The following PPEF1 variants were observed in gnomAD, a reference collection of about 807,000 sequenced individuals.
PPEF1 encodes the protein serine/threonine-protein phosphatase with EF-hands 1.
PPEF1 carries 12 observed loss-of-function variants against 53.3 expected under a neutral mutation model. The observed-to-expected ratio is 0.23, with a 90% CI of 0.14 to 0.36. The LOEUF (loss-of-function observed/expected upper bound fraction) is 0.36. Among genes scored for constraint, PPEF1 ranks in the 10% least tolerant of loss-of-function variants. The pLI is 1.00. For synonymous variants in PPEF1, 165 were observed against 176.7 expected, an observed-to-expected ratio of 0.93 and a Z score of 0.52; for missense variants, 334 against 490.4, an observed-to-expected ratio of 0.68 and a Z score of 3.01.
intron 5 of PPEF1, 64 bp downstream of exon 5, chrX:18,757,805 C>G: frequency 1.2e-6 from 1 of 843,221 alleles, no homozygotes; most frequent in South Asian, 2.2e-5. Context: ...CATCGTTTGC[C>G]TAACTTGAAA....
At chrX:18,701,731 T>C (rs1169082964) in intron 6 of PPEF1, among the ~76,000 whole-genome samples, 1 of 112,557 alleles carries the variant, frequency 8.9e-6, no homozygotes, top group African/African-American at 3.2e-5. Context: ...TGAGAAGTCC[T>C]GCAGTAAAGA....
chrX:18,782,477 A>C, intron 8 of PPEF1, 75 bp downstream of exon 8: 2 of 844,111 alleles, frequency 2.4e-6, no homozygotes, highest in Non-Finnish European at 3.3e-6. Flanking sequence ...AGAGCCAAGA[A>C]AGACCAGATT....
Position 18,713,420 on chromosome X carries a change from C to CTTTTTT in PPEF1, c.46+5607_46+5612dup, listed in dbSNP as rs55997147. On this transcript the variant is annotated intron_variant, in intron 1 of 15. Transcript: ENST00000470157. ...TTGTTCAGAGTATTCCCTTAAAATT[C>CTTTTTT]TTTTTTTTTTTTTTTTTTCTTTACT... Among the ~76,000 whole-genome samples the CTTTTTT allele has an allele frequency of 1.1e-3, 87 of 77,485 alleles. 2 individuals are homozygous for CTTTTTT. Among genetic ancestry groups the CTTTTTT allele is most frequent in the African/African-American group, 3.4e-3 (69 of 20,310 alleles). 67.3% of individuals were successfully genotyped at this position (77,485 alleles called of 115,157 possible). A position where few individuals can be genotyped will look rare whatever the true frequency, so the allele number is the denominator to read the frequency against.
At chrX:18,680,605 A>G (rs1928846517), upstream of PPEF1, among the ~76,000 whole-genome samples, 1 of 108,008 alleles carries the variant, frequency 9.3e-6, no homozygotes, top group South Asian at 4.0e-4. Context: ...ATTTATATAT[A>G]TAAATATTTT....
chrX:18,680,451 C>T (rs112056924), upstream of PPEF1, among the ~76,000 whole-genome samples: 4,613 of 46,522 alleles, frequency 0.099, 160 homozygotes, highest in Middle Eastern at 0.21. Flanking sequence ...TTTTTTGATA[C>T]GGCATCTCGC....
intron 10 of PPEF1, among the ~76,000 whole-genome samples, chrX:18,797,217 A>G (rs926284437): frequency 8.9e-6 from 1 of 112,279 alleles, no homozygotes; most frequent in Non-Finnish European, 1.9e-5. Flanking sequence ...ATTTCCAGAT[A>G]AAAACAGAGC....
chrX:18,726,911 C>T (rs1206254002), intron 1 of PPEF1, among the ~76,000 whole-genome samples: 1 of 112,102 alleles, frequency 8.9e-6, no homozygotes, highest in African/African-American at 3.2e-5. Flanking sequence ...TTCTGCCCAC[C>T]TCGGCCTCCC....
chrX:18,730,348 T>A (rs1450293054), intron 2 of PPEF1, 40 bp downstream of exon 2: 1 of 1,186,238 alleles, frequency 8.4e-7, no homozygotes, highest in African/African-American at 1.8e-5. Context: ...GATAAAATGA[T>A]TCTCTTTACC....
intron 3 of PPEF1, among the ~76,000 whole-genome samples, chrX:18,690,157 T>C (rs746780075): frequency 9.0e-6 from 1 of 111,214 alleles, no homozygotes; most frequent in South Asian, 3.8e-4. Context: ...ATCCCCAGGG[T>C]GTAGAACAGT....
At chrX:18,809,349 T>C (rs1441324260) in intron 12 of PPEF1, among the ~76,000 whole-genome samples, 2 of 110,328 alleles carry the variant, frequency 1.8e-5, no homozygotes, top group South Asian at 3.8e-4. Flanking sequence ...CTGTATTGTT[T>C]AGGGAATAAT....
intron 3 of PPEF1, among the ~76,000 whole-genome samples, chrX:18,738,129 A>G (rs187021433): frequency 1.8e-5 from 2 of 110,984 alleles, no homozygotes; most frequent in East Asian, 5.7e-4. Flanking sequence ...TTTACACTTA[A>G]GGTTAATATT....
chrX:18,777,175 A>G (rs2045983300), intron 6 of PPEF1, among the ~76,000 whole-genome samples: 1 of 112,479 alleles, frequency 8.9e-6, no homozygotes, highest in East Asian at 2.8e-4. Flanking sequence ...CCTGGACCAG[A>G]GAATTCACCT....
chrX:18,676,392 G>A (rs1928678653), intron 1 of PPEF1, among the ~76,000 whole-genome samples: 1 of 107,093 alleles, frequency 9.3e-6, no homozygotes, highest in African/African-American at 3.4e-5. Context: ...GTAGAGGCAG[G>A]CCAGCTAGTG....
intron 10 of PPEF1, among the ~76,000 whole-genome samples, chrX:18,797,095 G>T (rs1378880359): frequency 3.6e-5 from 4 of 110,992 alleles, no homozygotes; most frequent in Non-Finnish European, 7.5e-5. Flanking sequence ...GGGTAAAATG[G>T]GCCAGAACCT....
intron 5 of PPEF1, among the ~76,000 whole-genome samples, chrX:18,758,986 A>G (rs1157283899): frequency 9.0e-6 from 1 of 111,339 alleles, no homozygotes; most frequent in East Asian, 2.8e-4. Flanking sequence ...AAGCTCAGAG[A>G]GAAAAGTGGC....
In PPEF1 at chrX:18,821,085, T is replaced by C. The variant is rs1446194379; in HGVS notation, c.1502-2838T>C. Among the ~76,000 whole-genome samples, 3 of 107,671 alleles carry C rather than the reference T, an allele frequency of 2.8e-5. No homozygotes were observed. In the Admixed American group the frequency reaches 3.0e-4, roughly 11 times the overall value. 93.5% of individuals were successfully genotyped at this position (107,671 alleles called of 115,157 possible). A position where few individuals can be genotyped will look rare whatever the true frequency, so the allele number is the denominator to read the frequency against. ...AAAAATACAAAAAATTAGCCAGGCG[T>C]GGTGGCGGGCGCCTGTAGTCCCAGC... On this transcript the variant is annotated intron_variant, in intron 13 of 15. Coordinates refer to ENST00000470157, the MANE Select transcript of PPEF1 (RefSeq NM_001377996.1).
chrX:18,682,404 C>T (rs916673229), upstream of PPEF1, among the ~76,000 whole-genome samples: 2 of 111,793 alleles, frequency 1.8e-5, no homozygotes, highest in South Asian at 7.4e-4. Context: ...TCTACTTTGG[C>T]GAGTTAGGAG....
At chrX:18,684,855 G>C (rs1310249530) in intron 2 of PPEF1, among the ~76,000 whole-genome samples, 4 of 111,549 alleles carry the variant, frequency 3.6e-5, no homozygotes. Context: ...TTGAACTCCT[G>C]ACATCAGGTG....
chrX:18,776,962 T>C lies in PPEF1; in HGVS notation c.559-2048T>C, dbSNP rs762872957. Among the ~76,000 whole-genome samples, 12 of 112,583 alleles carry C rather than the reference T, an allele frequency of 1.1e-4. No individual in the cohort carries two copies. In the South Asian group the frequency reaches 4.4e-3, roughly 41 times the overall value. On this transcript the variant is annotated intron_variant, in intron 6 of 15. Transcript: ENST00000470157. ...AATATTGGAATCTTAGAATTAGAAA[T>C]AACATGGTCATAATAAAATGAGTCT... is the stretch of plus-strand genomic sequence containing the variant.
Sources: allele counts gnomAD v4.1 joint callset (sites outside exome capture counted in the v4.1 genomes callset), GRCh38; gene constraint gnomAD v4.1.1; transcripts MANE v1.5; gene names NCBI Gene and HGNC (gene_info 2026-07-23, HGNC 2026-07-21).